The following LAMB2 variants were observed in gnomAD, a reference collection of about 807,000 sequenced individuals.
LAMB2 encodes the protein laminin subunit beta 2.
LAMB2 carries 119 observed loss-of-function variants against 202.7 expected under a neutral mutation model. The ratio of observed to expected loss-of-function variants is 0.59; its 90% confidence interval spans 0.51 to 0.68. The LOEUF is 0.68. Ranked by LOEUF, LAMB2 falls within the 30% of genes least tolerant of loss-of-function variation. The pLI, the probability that LAMB2 is intolerant of heterozygous loss-of-function variation, is 0.00. For synonymous variants in LAMB2, 818 were observed against 902.2 expected (o/e 0.91, Z 1.67); for missense variants, 2,124 against 2,410.6 (o/e 0.88, Z 2.49).
rs914233220 is a variant in LAMB2 at position 49,131,314 on chromosome 3, C to T, written c.712+65G>A. 59 of 1,571,896 alleles carry T rather than the reference C, an allele frequency of 3.8e-5. No individual in the cohort carries two copies. The highest frequency in any genetic ancestry group is 6.8e-5 in the African/African-American group (5 of 73,928). ...CCCTAGGAAGCACCCAAAATAGTTA[C>T]TGAGGCCCCAAATAGTCCCTAGCCG... On this transcript the variant is annotated intron_variant, in intron 6 of 31. Coordinates refer to ENST00000305544, the MANE Select transcript of LAMB2 (RefSeq NM_002292.4). This position sits in a 1 kb window ranked among gnomAD's most constrained non-coding sequence, Gnocchi z 5.0.
At chr3:49,124,974 C>T in intron 20 of LAMB2, 32 bp downstream of exon 20, 7 of 1,613,976 alleles carry the variant, frequency 4.3e-6, no homozygotes, top group Non-Finnish European at 5.9e-6. Flanking sequence ...AGCCAACTCA[C>T]CCTGATCCCA....
At chr3:49,124,635 A>G (rs1575532572) in intron 21 of LAMB2, 23 bp from the exon 22 acceptor site, 1 of 1,613,780 alleles carries the variant, frequency 6.2e-7, no homozygotes, top group South Asian at 1.1e-5. Flanking sequence ...AGATGAGCAC[A>G]GTAGTCAAGA....
At chr3:49,124,347 CAG>C in intron 22 of LAMB2, 46 bp downstream of exon 22, 1 of 1,613,122 alleles carries the variant, frequency 6.2e-7, no homozygotes, top group Non-Finnish European at 8.5e-7. Context: ...GGAGATAAGA[CAG>C]ACACCTGGCC....
Position 49,123,559 on chromosome 3 carries a change from G to C in LAMB2, c.3870C>G (p.Asn1290Lys). The C allele has an allele frequency of 6.2e-7, 1 of 1,614,176 alleles. No homozygotes were observed. Among genetic ancestry groups the C allele is most frequent in the South Asian group, 1.1e-5 (1 of 91,084 alleles). The change falls in exon 25 of 32, where the codon AAC (asparagine) becomes AAG (lysine). Residue 1290 changes from asparagine to lysine, a missense_variant. By Grantham distance (94) the Asn-to-Lys change is moderately conservative. Around this residue, in one of 3 missense-constraint regions of LAMB2, gnomAD observed 1,702 missense variants for 1,896.3 expected, o/e 0.90. Transcript: ENST00000305544. Reference protein sequence around the residue: ...EADLTDVQDENFNANHALSGL... With the variant: ...EADLTDVQDEKFNANHALSGL... ...CACTTAGTGCATGGTTGGCATTGAA[G>C]TTCTCATCTTGCACATCTGTCAGGT...
chr3:49,126,626 G>T, intron 15 of LAMB2, 129 bp from the exon 16 acceptor site: 1 of 1,128,612 alleles, frequency 8.9e-7, no homozygotes, highest in Non-Finnish European at 1.3e-6. Flanking sequence ...GGTTGCGTTG[G>T]GCTGCGCTAG....
Position 49,121,566 on chromosome 3 carries a change from C to T in LAMB2, c.5127G>A (p.Gln1709=). 6.2e-7 allele frequency: 1 copy of T among 1,614,026 alleles called. No homozygotes were observed. The part of the protein sequence containing the change: ...EQLLRGPLGD[Q]YQTVKALAER... Reference sequence around the variant, plus strand: ...CAGCTAGGGCCTTCACCGTCTGGTACTGATCACCCAGAGGACCGCGTAGCA... The same window carrying T: ...CAGCTAGGGCCTTCACCGTCTGGTATTGATCACCCAGAGGACCGCGTAGCA... Residue 1709 remains glutamine (Q), a synonymous_variant, in exon 31 of 32, where the codon CAG becomes CAA. Transcript: ENST00000305544.
At position 49,129,632 on chromosome 3, in the gene LAMB2, A is replaced by G; in HGVS notation, c.1490T>C (p.Val497Ala). ...NSGSCYCKRLVTGRGCDRCLP... is the reference protein window; with the variant it reads ...NSGSCYCKRLATGRGCDRCLP... ...GCAGCGGTCACATCCACGTCCAGTCACTAGACGTTTGCAGTAACAGGATCC... is the reference window on the plus strand; with the variant it reads ...GCAGCGGTCACATCCACGTCCAGTCGCTAGACGTTTGCAGTAACAGGATCC... Residue 497 changes from valine to alanine, a missense_variant, in exon 11 of 32, where the codon GTG becomes GCG. By Grantham distance (64) the Val-to-Ala change is moderately conservative (BLOSUM62 0). Around this residue, in one of 3 missense-constraint regions of LAMB2, gnomAD observed 1,702 missense variants for 1,896.3 expected, o/e 0.90. Coordinates refer to ENST00000305544, the MANE Select transcript of LAMB2 (RefSeq NM_002292.4). This position sits in a 1 kb window ranked among gnomAD's most constrained non-coding sequence, Gnocchi z 6.1. 1 of 1,614,112 alleles carries G rather than the reference A, an allele frequency of 6.2e-7. No homozygotes were observed. Among genetic ancestry groups the G allele is most frequent in the South Asian group, 1.1e-5 (1 of 91,082 alleles).
intron 18 of LAMB2, 98 bp downstream of exon 18, chr3:49,125,649 T>C: frequency 6.5e-7 from 1 of 1,529,630 alleles, no homozygotes; most frequent in Non-Finnish European, 8.9e-7. Context: ...GGTCCAAGAC[T>C]TAGTTTGAGG....
rs762442181 is a variant in LAMB2, at chr3:49,123,001, C to T, written c.4276G>A (p.Ala1426Thr). ...TGCCCATCCTCATCTCGACAGCCGG[C>T]ACCCCCACAAGGGCTTGTAGCACAG... is the stretch of plus-strand genomic sequence containing the variant. ...APCATSPCGG[A>T]GCRDEDGQPR... is the part of the protein sequence containing the mutation. The change falls in exon 27 of 32, where the codon GCC (alanine) becomes ACC (threonine). Residue 1426 changes from alanine (A) to threonine (T), a missense_variant. This residue lies in a region of LAMB2 where 1,702 missense variants were observed against 1,896.3 expected (regional missense o/e 0.90). Transcript: ENST00000305544. 2.6e-5 allele frequency: 42 copies of T among 1,608,776 alleles called. No homozygotes were observed. Among genetic ancestry groups the T allele is most frequent in the Non-Finnish European group, 3.5e-5 (41 of 1,179,976 alleles).
At chr3:49,126,199 G>T in intron 16 of LAMB2, 40 bp from the exon 17 acceptor site, 1 of 1,608,778 alleles carries the variant, frequency 6.2e-7, no homozygotes, top group Non-Finnish European at 8.5e-7. Context: ...TCAGACCTGG[G>T]ACCACGTAGG....
intron 17 of LAMB2, 24 bp from the exon 18 acceptor site, chr3:49,125,914 AG>A: frequency 1.2e-6 from 2 of 1,614,124 alleles, no homozygotes; most frequent in South Asian, 2.2e-5. Context: ...GGTTGGGCCA[AG>A]TCAGGCTGGG....
At position 49,122,908 on chromosome 3, in the gene LAMB2, G is replaced by C; in HGVS notation, c.4369C>G (p.Arg1457Gly). 19 of 1,609,320 alleles carry C rather than the reference G, an allele frequency of 1.2e-5. No homozygotes were observed. Among genetic ancestry groups the C allele is most frequent in the Non-Finnish European group, 1.6e-5 (19 of 1,179,934 alleles). The change falls in exon 27 of 32, where the codon CGG becomes GGG. Residue 1457 changes from arginine (R) to glycine (G), a missense_variant. Physicochemically the swap from Arg to Gly is moderately radical, Grantham distance 125. Coordinates refer to ENST00000305544, the MANE Select transcript of LAMB2 (RefSeq NM_002292.4). ...CGCTGCAGCTCTGCCTGTGTGTGCC[G>C]GGCCCGGCCCAGTGCTAGGTCTGCT... ...ATADLALGRA[R>G]HTQAELQRAL... is the part of the protein sequence containing the mutation.
At position 49,126,048 on chromosome 3, in the gene LAMB2, C is replaced by T; in HGVS notation, c.2263G>A (p.Val755Met). 1 of 1,614,130 alleles carries T rather than the reference C, an allele frequency of 6.2e-7. No individual in the cohort carries two copies. The highest frequency in any genetic ancestry group is 8.5e-7 in the Non-Finnish European group (1 of 1,180,020). ...TCAGAGGGAGAAGTCTTGCTGGGCA[C>T]CAGACCCTCCTCATGGCATTGGTAG... Reference protein sequence around the residue: ...ERYQCHEEGLVPSKTSPSEAC... With the variant: ...ERYQCHEEGLMPSKTSPSEAC... Residue 755 changes from valine (V) to methionine (M), a missense_variant, in exon 17 of 32, where the codon GTG becomes ATG. Val to Met is a conservative substitution (Grantham distance 21, BLOSUM62 1). Transcript: ENST00000305544.
In LAMB2 at chr3:49,129,459, T is replaced by A. The variant is rs2045458426; in HGVS notation, c.1519-135A>T. The A allele has an allele frequency of 8.4e-6, 9 of 1,073,016 alleles. No individual in the cohort carries two copies. The highest frequency in any genetic ancestry group is 1.3e-5 in the Non-Finnish European group (9 of 710,576). 66.5% of individuals were successfully genotyped at this position (1,073,016 alleles called of 1,614,324 possible). A position where few individuals can be genotyped will look rare whatever the true frequency, so the allele number is the denominator to read the frequency against. ...ATGCCCCCCAGACCACTGGCCCACA[T>A]CCTTGGCCTCCCAGACCTGAGGCTT... On this transcript the variant is annotated intron_variant, in intron 11 of 31. Coordinates refer to ENST00000305544, the MANE Select transcript of LAMB2 (RefSeq NM_002292.4). The surrounding 1 kb of genome is among the most constrained non-coding windows in gnomAD (Gnocchi z 6.1).
At chr3:49,128,853 G>T in intron 13 of LAMB2, 34 bp from the exon 14 acceptor site, 1 of 1,608,020 alleles carries the variant, frequency 6.2e-7, no homozygotes. Flanking sequence ...TGGAGGCTCA[G>T]GTGAGGCTTT....
Position 49,131,460 on chromosome 3 carries a change from T to C in LAMB2, c.649-18A>G. ...TAGATGACCTGGAGAAGCAGGGAGTTCATAGTCACACTGGACCTTGCCTCA... is the reference window on the plus strand; with the variant it reads ...TAGATGACCTGGAGAAGCAGGGAGTCCATAGTCACACTGGACCTTGCCTCA... On this transcript the variant is annotated intron_variant, in intron 5 of 31. Transcript: ENST00000305544. This position sits in a 1 kb window ranked among gnomAD's most constrained non-coding sequence, Gnocchi z 5.0. 1 of 1,613,890 alleles carries C rather than the reference T, an allele frequency of 6.2e-7. No homozygotes were observed. Among genetic ancestry groups the C allele is most frequent in the Middle Eastern group, 1.6e-4 (1 of 6,062 alleles).
Position 49,121,147 on chromosome 3 carries a change from C to G in LAMB2, c.*79G>C. On this transcript the variant is annotated 3_prime_UTR_variant, in exon 32 of 32. Coordinates refer to ENST00000305544, the MANE Select transcript of LAMB2 (RefSeq NM_002292.4). ...CACACTGGTTTATTGGGGGCCCTGCCGGGCCAAGAGCTCTTCAGTGCATAG... is the reference window on the plus strand; with the variant it reads ...CACACTGGTTTATTGGGGGCCCTGCGGGGCCAAGAGCTCTTCAGTGCATAG... The G allele has an allele frequency of 6.4e-7, 1 of 1,550,866 alleles. No individual in the cohort carries two copies. The highest frequency in any genetic ancestry group is 1.1e-5 in the South Asian group (1 of 89,000).
At position 49,130,175 on chromosome 3, in the gene LAMB2, C is replaced by T. The variant is rs1342171833; in HGVS notation, c.1225+56G>A. The T allele has an allele frequency of 3.1e-6, 5 of 1,600,472 alleles. No individual in the cohort carries two copies. Among genetic ancestry groups the T allele is most frequent in the African/African-American group, 1.3e-5 (1 of 74,552 alleles). On this transcript the variant is annotated intron_variant, in intron 9 of 31. Transcript: ENST00000305544. This position sits in a 1 kb window ranked among gnomAD's most constrained non-coding sequence, Gnocchi z 5.0. ...CTGCAATTTAGACAGCAGTCCAGCT[C>T]TCTAGTTCCTGCCCCAGGCTCAGCT...
chr3:49,131,282 G>A lies in LAMB2; in HGVS notation c.712+97C>T. ...TGCCACCCGAGCTAAACTGGGCTTG[G>A]CACCTGCCCTAGGAAGCACCCAAAA... On this transcript the variant is annotated intron_variant, in intron 6 of 31. Transcript: ENST00000305544. This position sits in a 1 kb window ranked among gnomAD's most constrained non-coding sequence, Gnocchi z 5.0. 1 of 1,490,646 alleles carries A rather than the reference G, an allele frequency of 6.7e-7. No individual in the cohort carries two copies. The highest frequency in any genetic ancestry group is 1.2e-5 in the South Asian group (1 of 86,902). The allele number at this position is 1,490,646 out of a possible 1,614,324, so 92.3% of individuals were successfully genotyped here. A position where few individuals can be genotyped will look rare whatever the true frequency, so the allele number is the denominator to read the frequency against.
Sources: gnomAD v4.1 joint callset for allele counts on GRCh38, gnomAD v4.1.1 for gene constraint, gnomAD v4.1.1 regional missense constraint, Gnocchi (gnomAD v3.1) non-coding constraint, MANE v1.5 for transcripts, NCBI Gene and HGNC (gene_info 2026-07-23, HGNC 2026-07-21) for gene names.